The following AGAP1 variants were observed in gnomAD, a reference collection of about 807,000 sequenced individuals.
The protein encoded by AGAP1 is arf-GAP with GTPase, ANK repeat and PH domain-containing protein 1.
Under a neutral mutation model 105.3 loss-of-function variants are expected in AGAP1, and 29 were observed. The observed-to-expected ratio is 0.28, with a 90% CI of 0.21 to 0.38. AGAP1 has a LOEUF of 0.38. Ranked by LOEUF, AGAP1 falls within the 10% of genes least tolerant of loss-of-function variation. The pLI is 1.00. For synonymous variants in AGAP1, 509 were observed against 485.9 expected (o/e 1.05, Z -0.63); for missense variants, 998 against 1,165.1 (o/e 0.86, Z 2.09).
chr2:235,544,745 A>G (rs1943567734), intron 1 of AGAP1, among the ~76,000 whole-genome samples: 1 of 152,162 alleles, frequency 6.6e-6, no homozygotes, highest in African/African-American at 2.4e-5. Context: ...GCTCTCCCAC[A>G]CTGCAACTGT....
chr2:235,782,706 C>G (rs1956343655), intron 6 of AGAP1, among the ~76,000 whole-genome samples: 1 of 152,144 alleles, frequency 6.6e-6, no homozygotes, highest in South Asian at 2.1e-4. Context: ...ACGCTGAAGC[C>G]CAGAAGGAAA....
At chr2:235,846,693 G>A (rs1163553854) in intron 9 of AGAP1, among the ~76,000 whole-genome samples, 1 of 152,164 alleles carries the variant, frequency 6.6e-6, no homozygotes, top group Non-Finnish European at 1.5e-5. Context: ...CTGGAGTGCA[G>A]TGGCATAATC....
intron 1 of AGAP1, among the ~76,000 whole-genome samples, chr2:235,668,683 A>AC (rs1184515043): frequency 2.0e-5 from 3 of 152,330 alleles, no homozygotes; most frequent in South Asian, 4.1e-4. Flanking sequence ...AACATCCTAG[A>AC]CCAGTATCTA....
Position 235,753,344 on chromosome 2 carries a change from C to A in AGAP1, c.673+2856C>A, listed in dbSNP as rs185879849. ...CCCAGGTGATGCTGTGATGAGTGTC[C>A]GTTTTCATGGGCACAGGAGATTTCC... On this transcript the variant is annotated intron_variant, in intron 6 of 17. Coordinates refer to ENST00000304032, the MANE Select transcript of AGAP1 (RefSeq NM_001037131.3). The surrounding 1 kb of genome is among the most constrained non-coding windows in gnomAD (Gnocchi z 4.5). Among the ~76,000 whole-genome samples the A allele has an allele frequency of 6.6e-6, 1 of 152,100 alleles. No homozygotes were observed. Among genetic ancestry groups the A allele is most frequent in the African/African-American group, 2.4e-5 (1 of 41,428 alleles).
At chr2:236,018,333 C>G (rs539818503) in intron 13 of AGAP1, among the ~76,000 whole-genome samples, 2 of 152,294 alleles carry the variant, frequency 1.3e-5, no homozygotes, top group African/African-American at 4.8e-5. Context: ...CACCAATGTT[C>G]AACTGAAAGT....
chr2:235,534,371 C>T (rs1943141639), intron 1 of AGAP1, among the ~76,000 whole-genome samples: 1 of 152,168 alleles, frequency 6.6e-6, no homozygotes, highest in Non-Finnish European at 1.5e-5. Flanking sequence ...GACATGTCCA[C>T]TGTTTAAAAA....
rs541443176 is a variant in AGAP1 at position 236,061,974 on chromosome 2, G to T, written c.2114+12693G>T. Among the ~76,000 whole-genome samples the T allele has an allele frequency of 3.9e-5, 6 of 152,168 alleles. No homozygotes were observed. The highest frequency in any genetic ancestry group is 3.3e-4 in the Admixed American group (5 of 15,284). ...AGCAAAGGTGCAGGCGTACAGGAACGCATGCTGGGTGGCGGGGGCCTGGGT... is the reference window on the plus strand; with the variant it reads ...AGCAAAGGTGCAGGCGTACAGGAACTCATGCTGGGTGGCGGGGGCCTGGGT... On this transcript the variant is annotated intron_variant, in intron 16 of 17. Transcript: ENST00000304032. The surrounding 1 kb of genome is among the most constrained non-coding windows in gnomAD (Gnocchi z 4.1).
rs1952283397 is a variant in AGAP1, at chr2:235,736,823, A to G, written c.311-4140A>G. Among the ~76,000 whole-genome samples the G allele has an allele frequency of 6.6e-6, 1 of 152,232 alleles. No individual in the cohort carries two copies. Among genetic ancestry groups the G allele is most frequent in the East Asian group, 1.9e-4 (1 of 5,190 alleles). On this transcript the variant is annotated intron_variant, in intron 3 of 17. Coordinates refer to ENST00000304032, the MANE Select transcript of AGAP1 (RefSeq NM_001037131.3). The surrounding 1 kb of genome is among the most constrained non-coding windows in gnomAD (Gnocchi z 5.5). ...GCCACCGCACTCCAGCCTAGGCAAC[A>G]GAGTGAGACTGTGTCTCAAAAAACA...
chr2:235,839,765 C>G (rs904671003), intron 9 of AGAP1, among the ~76,000 whole-genome samples: 1 of 152,172 alleles, frequency 6.6e-6, no homozygotes, highest in Non-Finnish European at 1.5e-5. Flanking sequence ...TACCTCCTTT[C>G]CAGGAGATGT....
In AGAP1 at chr2:236,073,298, ATTC is replaced by A. The variant is rs952276447; in HGVS notation, c.2114+24023_2114+24025del. On this transcript the variant is annotated intron_variant, in intron 16 of 17. Coordinates refer to ENST00000304032, the MANE Select transcript of AGAP1 (RefSeq NM_001037131.3). The surrounding 1 kb of genome is among the most constrained non-coding windows in gnomAD (Gnocchi z 5.4). ...ATGTGAGCCACCGTGCCTGGCCTATATTCTTCTTTTATTCTGAGCCTTTGACAC... is the reference window on the plus strand; with the variant it reads ...ATGTGAGCCACCGTGCCTGGCCTATATTCTTTTATTCTGAGCCTTTGACAC... 1.6e-4 allele frequency among the ~76,000 whole-genome samples: 24 copies of A among 152,136 alleles called. No individual in the cohort carries two copies. The highest frequency in any genetic ancestry group is 5.1e-4 in the African/African-American group (21 of 41,528).
rs1161946606 is a variant in AGAP1 at position 235,769,710 on chromosome 2, C to T, written c.673+19222C>T. ...TCTCGGGGAGGCAGTGAAAAAAAAACGAAAGCAGTGACTAAAGGGCATCTC... is the reference window on the plus strand; with the variant it reads ...TCTCGGGGAGGCAGTGAAAAAAAAATGAAAGCAGTGACTAAAGGGCATCTC... On this transcript the variant is annotated intron_variant, in intron 6 of 17. Transcript: ENST00000304032. The surrounding 1 kb of genome is among the most constrained non-coding windows in gnomAD (Gnocchi z 4.4). Among the ~76,000 whole-genome samples, 1 of 151,710 alleles carries T rather than the reference C, an allele frequency of 6.6e-6. No homozygotes were observed. The highest frequency in any genetic ancestry group is 1.5e-5 in the Non-Finnish European group (1 of 67,910).
intron 12 of AGAP1, among the ~76,000 whole-genome samples, chr2:235,949,259 G>A (rs953137938): frequency 6.6e-6 from 1 of 152,202 alleles, no homozygotes; most frequent in Non-Finnish European, 1.5e-5. Context: ...GCGTCATGTC[G>A]GCACTCAAAA....
At chr2:235,495,195 A>G (rs1192061542) in intron 1 of AGAP1, among the ~76,000 whole-genome samples, 2 of 151,668 alleles carry the variant, frequency 1.3e-5, no homozygotes, top group African/African-American at 4.8e-5. Flanking sequence ...GCGCCACCCG[A>G]CCCCTGACAG....
rs1051436758 is a variant in AGAP1 at position 236,014,649 on chromosome 2, A to G, written c.1646-21912A>G. The stretch of plus-strand genomic sequence containing the variant: ...GCAGGGGAGTTGGAGGGCTCAGCCC[A>G]GGGAGCTCCATGGCACCCACCCGCT... On this transcript the variant is annotated intron_variant, in intron 13 of 17. Transcript: ENST00000304032. The surrounding 1 kb of genome is among the most constrained non-coding windows in gnomAD (Gnocchi z 6.3). 6.6e-6 allele frequency among the ~76,000 whole-genome samples: 1 copy of G among 152,028 alleles called. No individual in the cohort carries two copies. Among genetic ancestry groups the G allele is most frequent in the African/African-American group, 2.4e-5 (1 of 41,380 alleles).
chr2:235,972,885 G>A (rs116307566), intron 13 of AGAP1, among the ~76,000 whole-genome samples: 1,552 of 152,268 alleles, frequency 0.01, 11 homozygotes, highest in South Asian at 0.02. Context: ...CATCCCCCAG[G>A]GTCTGGCTTT....
chr2:235,804,628 C>T (rs1345565217), intron 8 of AGAP1, among the ~76,000 whole-genome samples: 2 of 152,238 alleles, frequency 1.3e-5, no homozygotes, highest in Non-Finnish European at 2.9e-5. Context: ...GAGTGTCCTC[C>T]ATGGCTTCTC....
chr2:235,503,345 G>A (rs1941647266), intron 1 of AGAP1, among the ~76,000 whole-genome samples: 1 of 152,154 alleles, frequency 6.6e-6, no homozygotes, highest in Non-Finnish European at 1.5e-5. Flanking sequence ...TCGAAGGTCT[G>A]GGGTGCTGCT....
chr2:235,846,024 TA>T (rs996202653), intron 9 of AGAP1, among the ~76,000 whole-genome samples: 9 of 151,930 alleles, frequency 5.9e-5, no homozygotes, highest in Admixed American at 1.3e-4. Context: ...AATACTAAAT[TA>T]AAAAAAAATT....
chr2:235,915,065 C>T (rs1313092387), intron 11 of AGAP1, among the ~76,000 whole-genome samples: 1 of 152,130 alleles, frequency 6.6e-6, no homozygotes, highest in Non-Finnish European at 1.5e-5. Flanking sequence ...CTCACAGCCC[C>T]CCACACGGTA....
Sources: allele counts gnomAD v4.1 joint callset (sites outside exome capture counted in the v4.1 genomes callset), GRCh38; gene constraint gnomAD v4.1.1; non-coding constraint Gnocchi (gnomAD v3.1); transcripts MANE v1.5; gene names NCBI Gene and HGNC (gene_info 2026-07-23, HGNC 2026-07-21).